Variants in DNAH17 observed in about 807,000 individuals in gnomAD.
DNAH17 encodes dynein axonemal heavy chain 17, also known as axonemal beta dynein heavy chain 17.
In DNAH17, 376 loss-of-function variants were observed where a neutral mutation model predicts 485.6. That is an observed-to-expected ratio of 0.77 (90% CI 0.71 to 0.84). The LOEUF (loss-of-function observed/expected upper bound fraction) is 0.84. Ranked by LOEUF, DNAH17 falls within the 40% of genes least tolerant of loss-of-function variation. The pLI is 0.00. For missense variants in DNAH17, 6,370 were observed against 5,839.3 expected (o/e 1.09, Z -2.96); for synonymous variants, 3,031 against 2,405.9 (o/e 1.26, Z -7.60).
rs750695527 is a variant in DNAH17, at chr17:78,510,502, T to C, written c.4118A>G (p.Lys1373Arg). 4 of 1,613,782 alleles carry C rather than the reference T, an allele frequency of 2.5e-6. No individual in the cohort carries two copies. The South Asian group carries it at 3.3e-5, about 13-fold the overall frequency. Residue 1373 changes from lysine (K) to arginine (R), a missense_variant, in exon 27 of 81, where the codon AAA becomes AGA. Lys to Arg is a conservative substitution (Grantham distance 26). Coordinates refer to ENST00000389840, the MANE Select transcript of DNAH17 (RefSeq NM_173628.4). ...WQQLMQATQV[K>R]FKMSEETTLA... ...GGTCGTCTCTTCTGACATTTTAAAT[T>C]TCACCTAAGGGAAAAAAATCCAGGC...
At chr17:78,492,960 C>G (rs2089927655) in intron 41 of DNAH17, 195 bp from the exon 42 acceptor site, 4 of 489,486 alleles carry the variant, frequency 8.2e-6, no homozygotes, top group Admixed American at 4.0e-5. Flanking sequence ...AAGTGATTCT[C>G]TTGCCTTAGC....
Position 78,476,685 on chromosome 17 carries a change from C to T in DNAH17, c.8041G>A (p.Val2681Ile), listed in dbSNP as rs200813463. The T allele has an allele frequency of 1.0e-4, 167 of 1,612,946 alleles. No homozygotes were observed. Among genetic ancestry groups the T allele is most frequent in the East Asian group, 4.0e-4 (18 of 44,872 alleles). ...TCAGTCTCATGTAGCCAAAGGCGGA[C>T]GAGGTCCAGTGGGGTTTTCAGAACT... ...AEVLKTPLDL[V>I]RLWLHETERV... Residue 2681 changes from valine (V) to isoleucine (I), a missense_variant, in exon 52 of 81, where the codon GTC becomes ATC. Physicochemically the swap from Val to Ile is conservative, Grantham distance 29. Transcript: ENST00000389840.
rs752804687 is a variant in DNAH17, at chr17:78,450,337, G to A, written c.10957C>T (p.Pro3653Ser). Reference protein sequence around the residue: ...KINEARENYRPAAERASLLYF... With the variant: ...KINEARENYRSAAERASLLYF... ...AGCAGAGATGCCCTCTCCGCAGCCG[G>A]GCGGTAGTTCTCTCTCGCTTCGTTG... is the stretch of plus-strand genomic sequence containing the variant. The change falls in exon 68 of 81, where the codon CCG becomes TCG. Residue 3653 changes from proline to serine, a missense_variant. Transcript: ENST00000389840. 9 of 1,613,884 alleles carry A rather than the reference G, an allele frequency of 5.6e-6. No individual in the cohort carries two copies. In the Admixed American group the frequency reaches 1.0e-4, roughly 18 times the overall value.
chr17:78,479,167 G>A, intron 50 of DNAH17, 51 bp from the exon 51 acceptor site: 1 of 1,569,386 alleles, frequency 6.4e-7, no homozygotes, highest in South Asian at 1.1e-5. Context: ...GATGGCCCCA[G>A]GAAGTGCAAG....
At chr17:78,491,391 C>T (rs115145142) in intron 43 of DNAH17, 52 bp downstream of exon 43, 71,444 of 1,592,462 alleles carry the variant, frequency 0.045, 1,819 homozygotes, top group South Asian at 0.068. Context: ...TGTGAGCCCC[C>T]GTTGTCCCTG....
intron 41 of DNAH17, chr17:78,493,065 G>C (rs1230260960): frequency 1.3e-5 from 3 of 232,110 alleles, no homozygotes; most frequent in Non-Finnish European, 2.6e-5. Flanking sequence ...TGGTCAGGCT[G>C]GTCTCAAACT....
chr17:78,500,753 C>CCCA (rs1271767739), intron 35 of DNAH17: 1 of 230,054 alleles, frequency 4.3e-6, no homozygotes, highest in East Asian at 1.0e-4. Flanking sequence ...AGGTGATCCA[C>CCCA]CCACCTCGGC....
intron 5 of DNAH17, 63 bp downstream of exon 5, chr17:78,571,216 C>T: frequency 6.8e-7 from 1 of 1,468,422 alleles, no homozygotes; most frequent in Non-Finnish European, 9.4e-7. Flanking sequence ...ACAAGTCTGA[C>T]CCAGCCCTCC....
rs958556242 is a variant in DNAH17, at chr17:78,575,592, G to A, written c.-25-510C>T. Among the ~76,000 whole-genome samples, 28 of 152,270 alleles carry A rather than the reference G, an allele frequency of 1.8e-4. No individual in the cohort carries two copies. The East Asian group carries it at 5.4e-3, about 29-fold the overall frequency. On this transcript the variant is annotated intron_variant, in intron 1 of 80. Coordinates refer to ENST00000389840, the MANE Select transcript of DNAH17 (RefSeq NM_173628.4). ...GCTCAGTCTTAGCCGCAGCCGTGGT[G>A]CACCTTAACTTTCACTCTGCTCTGC...
intron 3 of DNAH17, 39 bp from the exon 4 acceptor site, chr17:78,571,821 C>T (rs1357728191): frequency 3.9e-6 from 6 of 1,534,468 alleles, no homozygotes; most frequent in Non-Finnish European, 5.3e-6. Flanking sequence ...CTCATGGCGA[C>T]ACACACGTGG....
intron 80 of DNAH17, 54 bp downstream of exon 80, chr17:78,425,265 TGCCAAGAGCTAGTTTTATCTTGTCTTG>T: frequency 1.4e-6 from 2 of 1,406,158 alleles, no homozygotes; most frequent in Non-Finnish European, 2.0e-6. Flanking sequence ...AGCCTGTCTT[TGCCAAGAGCTAGTTTTATCTTGTCTTG>T]GCAAGTAGCA....
rs556008488 is a variant in DNAH17, at chr17:78,574,216, A to G, written c.345+497T>C. ...TTAGACAGCAGGTCTGTGGCCGGGC[A>G]TGATGGCTCACGCCTATAATCCCAA... is the stretch of plus-strand genomic sequence containing the variant. On this transcript the variant is annotated intron_variant, in intron 2 of 80. Transcript: ENST00000389840. Among the ~76,000 whole-genome samples the G allele has an allele frequency of 6.2e-4, 95 of 152,218 alleles. 2 individuals are homozygous for G. Among genetic ancestry groups the G allele is most frequent in the African/African-American group, 1.2e-4 (5 of 41,458 alleles).
chr17:78,501,487 C>T (rs559348351), intron 34 of DNAH17, 143 bp from the exon 35 acceptor site: 19 of 1,102,806 alleles, frequency 1.7e-5, no homozygotes, highest in Admixed American at 2.8e-5. Context: ...GCACCCACAT[C>T]CAACTGTATG....
chr17:78,437,733 G>T lies in DNAH17; in HGVS notation c.11941C>A (p.Gln3981Lys). Residue 3981 changes from glutamine (Q) to lysine (K), a missense_variant, in exon 74 of 81, where the codon CAG (glutamine) becomes AAG (lysine). Transcript: ENST00000389840. ...APSPETHIIP[Q>K]GILENAIKIT... is the part of the protein sequence containing the mutation. The stretch of plus-strand genomic sequence containing the variant: ...TTGATGGCGTTCTCCAGAATGCCCT[G>T]GGGGATGATGTGGGTCTCGGGGCTG... 1 of 1,612,568 alleles carries T rather than the reference G, an allele frequency of 6.2e-7. No homozygotes were observed. Among genetic ancestry groups the T allele is most frequent in the Non-Finnish European group, 8.5e-7 (1 of 1,179,752 alleles).
chr17:78,539,386 T>A (rs1032838621), intron 18 of DNAH17, among the ~76,000 whole-genome samples: 1 of 152,200 alleles, frequency 6.6e-6, no homozygotes, highest in Non-Finnish European at 1.5e-5. Context: ...GTGGCTGTTG[T>A]TGCTGACAGG....
At chr17:78,430,205 G>A (rs78842920) in intron 75 of DNAH17, among the ~76,000 whole-genome samples, 2,552 of 152,298 alleles carry the variant, frequency 0.017, 71 homozygotes, top group African/African-American at 0.058. Flanking sequence ...CCTGCACAGC[G>A]CAGTTCAGCA....
intron 44 of DNAH17, among the ~76,000 whole-genome samples, chr17:78,487,273 G>C (rs540086947): frequency 6.6e-6 from 1 of 152,262 alleles, no homozygotes; most frequent in East Asian, 1.9e-4. Flanking sequence ...TGTAAACAGG[G>C]GTGATGTTTC....
Position 78,485,887 on chromosome 17 carries a change from G to A in DNAH17, c.7275+73C>T, listed in dbSNP as rs988253929. On this transcript the variant is annotated intron_variant, in intron 46 of 80. Coordinates refer to ENST00000389840, the MANE Select transcript of DNAH17 (RefSeq NM_173628.4). ...CGGTTGTGTTTGGACATTCCGTGCAGGCGTGTGGAGGGTACTGCACCGATT... is the reference window on the plus strand; with the variant it reads ...CGGTTGTGTTTGGACATTCCGTGCAAGCGTGTGGAGGGTACTGCACCGATT... The A allele has an allele frequency of 3.2e-6, 5 of 1,578,820 alleles. No homozygotes were observed. The African/African-American group carries it at 5.4e-5, about 17-fold the overall frequency.
At chr17:78,483,545 G>A (rs988689784) in intron 48 of DNAH17, among the ~76,000 whole-genome samples, 29 of 151,378 alleles carry the variant, frequency 1.9e-4, no homozygotes, top group African/African-American at 6.0e-4. Context: ...CAGGAGAATC[G>A]CTGGAACCCA....
Sources: allele counts gnomAD v4.1 joint callset (sites outside exome capture counted in the v4.1 genomes callset), GRCh38; gene constraint gnomAD v4.1.1; transcripts MANE v1.5; gene names NCBI Gene and HGNC (gene_info 2026-07-23, HGNC 2026-07-21).